Variants in GRIN3A observed in about 807,000 individuals in gnomAD.
GRIN3A encodes glutamate ionotropic receptor NMDA type subunit 3A.
In GRIN3A, 47 loss-of-function variants were observed where a neutral mutation model predicts 92.4. The observed-to-expected ratio is 0.51, with a 90% CI of 0.40 to 0.65. GRIN3A has a LOEUF of 0.65. GRIN3A is among the 30% of genes least tolerant of loss of function. GRIN3A has a pLI of 0.00. For missense variants in GRIN3A, 1,324 were observed against 1,393.1 expected (o/e 0.95, Z 0.79); for synonymous variants, 527 against 540.6 (o/e 0.97, Z 0.35).
At chr9:101,714,498 T>A (rs1320477863) in intron 1 of GRIN3A, among the ~76,000 whole-genome samples, 4 of 152,176 alleles carry the variant, frequency 2.6e-5, no homozygotes, top group Non-Finnish European at 5.9e-5. Context: ...TGGCTGTGTG[T>A]GTCAGTTAGA....
chr9:101,670,318 C>T lies in GRIN3A; in HGVS notation c.2094G>A (p.Lys698=), dbSNP rs747075957. 11 of 1,614,004 alleles carry T rather than the reference C, an allele frequency of 6.8e-6. No individual in the cohort carries two copies. Among genetic ancestry groups the T allele is most frequent in the Non-Finnish European group, 9.3e-6 (11 of 1,179,952 alleles). Residue 698 remains lysine, a synonymous_variant, in exon 3 of 9, where the codon AAG becomes AAA. Coordinates refer to ENST00000361820, the MANE Select transcript of GRIN3A (RefSeq NM_133445.3). ...TAVFLTLYEW[K]SPFGLTPKGR... is the part of the protein sequence containing the mutation. ...CCTTGGGAGTCAAACCAAATGGACT[C>T]TTCCATTCATACAGAGTGAGGAAGA...
chr9:101,738,047 T>C lies in GRIN3A; in HGVS notation c.-68A>G, dbSNP rs1588304807. On this transcript the variant is annotated 5_prime_UTR_variant, in exon 1 of 9. Transcript: ENST00000361820. ...GGCTCGCCCCTCTGCAGCCGCTGCC[T>C]GAGGTCTCCGCCTCCAGGTCCCGCG... 3 of 1,342,982 alleles carry C rather than the reference T, an allele frequency of 2.2e-6. No homozygotes were observed. In the East Asian group the frequency reaches 7.5e-5, roughly 34 times the overall value. 83.2% of individuals were successfully genotyped at this position (1,342,982 alleles called of 1,614,324 possible).
Position 101,572,926 on chromosome 9 carries a change from T to A in GRIN3A, c.*248A>T. ...CTGGGGTTATCTGGTTATTCACAGA[T>A]CTCTCGCACAGAGCTTACTCCTGAC... On this transcript the variant is annotated 3_prime_UTR_variant, in exon 9 of 9. Coordinates refer to ENST00000361820, the MANE Select transcript of GRIN3A (RefSeq NM_133445.3). 1 of 514,024 alleles carries A rather than the reference T, an allele frequency of 1.9e-6. No homozygotes were observed. The highest frequency in any genetic ancestry group is 3.5e-6 in the Non-Finnish European group (1 of 282,906). 31.8% of individuals were successfully genotyped at this position (514,024 alleles called of 1,614,324 possible). A position where few individuals can be genotyped will look rare whatever the true frequency, so the allele number is the denominator to read the frequency against.
In GRIN3A at chr9:101,569,717, C is replaced by T. The variant is rs1343643781; in HGVS notation, c.*3457G>A. 6.6e-6 allele frequency: 1 copy of T among 152,044 alleles called. No individual in the cohort carries two copies. The highest frequency in any genetic ancestry group is 2.4e-5 in the African/African-American group (1 of 41,378). 9.4% of individuals were successfully genotyped at this position (152,044 alleles called of 1,614,324 possible). ...TATAGATAGTAAAGTAGTATTAATG[C>T]CTAGAAAGCAATTTCTGAAGAACTG... is the stretch of plus-strand genomic sequence containing the variant. On this transcript the variant is annotated 3_prime_UTR_variant, in exon 9 of 9. Transcript: ENST00000361820.
In GRIN3A at chr9:101,717,675, C is replaced by T. The variant is rs545630839; in HGVS notation, c.699+19606G>A. On this transcript the variant is annotated intron_variant, in intron 1 of 8. Transcript: ENST00000361820. ...GATTATTTCCAGTAAATTTACTTTT[C>T]ATCAACTTTGACTTTCTCTAATTTT... Among the ~76,000 whole-genome samples, 101 of 151,850 alleles carry T rather than the reference C, an allele frequency of 6.7e-4. 1 individual carries two copies. Among genetic ancestry groups the T allele is most frequent in the African/African-American group, 2.4e-3 (98 of 41,370 alleles).
intron 1 of GRIN3A, among the ~76,000 whole-genome samples, chr9:101,702,076 C>A (rs778662847): frequency 5.3e-5 from 8 of 152,034 alleles, no homozygotes; most frequent in Non-Finnish European, 1.5e-5. Context: ...CCAAATTGGG[C>A]GAATCACTTG....
At position 101,728,914 on chromosome 9, in the gene GRIN3A, C is replaced by CT. The variant is rs373750775; in HGVS notation, c.699+8366dup. ...AAAGCCCTGGCCTATAGCAGTGCTA[C>CT]TTTCCCTTAATCTTTGGGTTAATGT... On this transcript the variant is annotated intron_variant, in intron 1 of 8. Transcript: ENST00000361820. Among the ~76,000 whole-genome samples, 341 of 152,294 alleles carry CT rather than the reference C, an allele frequency of 2.2e-3. 1 individual carries two copies. The highest frequency in any genetic ancestry group is 7.7e-3 in the African/African-American group (321 of 41,568).
intron 2 of GRIN3A, among the ~76,000 whole-genome samples, chr9:101,679,975 A>G (rs939495846): frequency 6.6e-6 from 1 of 152,230 alleles, no homozygotes; most frequent in Admixed American, 6.5e-5. Flanking sequence ...ATATAAATTA[A>G]AAAGTAATAG....
chr9:101,688,688 G>A (rs1266457409), intron 1 of GRIN3A, among the ~76,000 whole-genome samples: 2 of 152,082 alleles, frequency 1.3e-5, no homozygotes, highest in East Asian at 1.9e-4. Context: ...TTGGGAGGCC[G>A]AGGCAGGATC....
At chr9:101,631,717 GGTTCTGAGAATTGAAA>G (rs1299987898) in intron 3 of GRIN3A, among the ~76,000 whole-genome samples, 5 of 152,248 alleles carry the variant, frequency 3.3e-5, no homozygotes, top group African/African-American at 1.2e-4. Flanking sequence ...AAGGTTCTGA[GGTTCTGAGAATTGAAA>G]GTTCCTTCAA....
chr9:101,707,148 C>A (rs1167350089), intron 1 of GRIN3A, among the ~76,000 whole-genome samples: 1 of 152,166 alleles, frequency 6.6e-6, no homozygotes, highest in Non-Finnish European at 1.5e-5. Flanking sequence ...AAATGTAGTG[C>A]AAAATTTCCC....
chr9:101,586,660 T>C (rs1280142336), intron 6 of GRIN3A, among the ~76,000 whole-genome samples: 1 of 152,134 alleles, frequency 6.6e-6, no homozygotes, highest in African/African-American at 2.4e-5. Context: ...AATGCAAAAA[T>C]TTCAGGAGGA....
intron 3 of GRIN3A, among the ~76,000 whole-genome samples, chr9:101,655,878 G>C (rs1316875392): frequency 6.6e-6 from 1 of 151,964 alleles, no homozygotes; most frequent in Non-Finnish European, 1.5e-5. Context: ...TAGGATAAAA[G>C]ACTTGTATTT....
Position 101,737,953 on chromosome 9 carries a change from C to A in GRIN3A, c.27G>T (p.Leu9=), listed in dbSNP as rs574383844. The A allele has an allele frequency of 4.5e-4, 690 of 1,537,564 alleles. 3 individuals carry two copies. The highest frequency in any genetic ancestry group is 2.6e-3 in the South Asian group (222 of 84,218). Residue 9 remains leucine, a synonymous_variant, in exon 1 of 9, where the codon CTG becomes CTT. Coordinates refer to ENST00000361820, the MANE Select transcript of GRIN3A (RefSeq NM_133445.3). ...GCAACAGCAGACAGACCCTGCTCAG[C>A]AGCCACCACAAACTCAGTCTCCTCA... MRRLSLWW[L]LSRVCLLLPP... is the part of the protein sequence containing the mutation.
intron 1 of GRIN3A, among the ~76,000 whole-genome samples, chr9:101,697,295 C>G (rs1829696933): frequency 6.6e-6 from 1 of 152,126 alleles, no homozygotes; most frequent in Non-Finnish European, 1.5e-5. Flanking sequence ...ATAGTTAACT[C>G]TTTGTACCTT....
chr9:101,629,360 T>C (rs545475716), intron 3 of GRIN3A, among the ~76,000 whole-genome samples: 54 of 152,292 alleles, frequency 3.5e-4, no homozygotes, highest in African/African-American at 1.2e-3. Context: ...ATTTACAGAT[T>C]ATCTGCAGAA....
intron 8 of GRIN3A, 144 bp downstream of exon 8, chr9:101,577,624 C>A (rs952372902): frequency 5.7e-6 from 4 of 704,794 alleles, no homozygotes; most frequent in Non-Finnish European, 1.0e-5. Flanking sequence ...TGTCCATATA[C>A]ATTTTTTATT....
chr9:101,630,783 C>T (rs1828700608), intron 3 of GRIN3A, among the ~76,000 whole-genome samples: 1 of 152,198 alleles, frequency 6.6e-6, no homozygotes, highest in Admixed American at 6.5e-5. Context: ...CAACTTCTCA[C>T]AACTAGGAAT....
chr9:101,703,563 C>G (rs954148852), intron 1 of GRIN3A, among the ~76,000 whole-genome samples: 7 of 152,214 alleles, frequency 4.6e-5, no homozygotes, highest in Admixed American at 2.0e-4. Flanking sequence ...CAATTCCTCA[C>G]TACTAAACTG....
Sources: gnomAD v4.1 joint callset for allele counts (sites outside exome capture counted in the v4.1 genomes callset) on GRCh38, gnomAD v4.1.1 for gene constraint, MANE v1.5 for transcripts, NCBI Gene and HGNC (gene_info 2026-07-23, HGNC 2026-07-21) for gene names.